Variants in KCNH5 observed in about 807,000 individuals in gnomAD.
KCNH5 encodes voltage-gated delayed rectifier potassium channel KCNH5.
Under a neutral mutation model 96.1 loss-of-function variants are expected in KCNH5, and 46 were observed. The observed-to-expected ratio is 0.48, with a 90% CI of 0.38 to 0.61. KCNH5 has a LOEUF of 0.61. Ranked by LOEUF, KCNH5 falls within the 20% of genes least tolerant of loss-of-function variation. KCNH5 has a pLI of 0.00. For missense variants in KCNH5, 907 were observed against 1,225.8 expected, an observed-to-expected ratio of 0.74 and a Z score of 3.88; for synonymous variants, 439 against 449.8, an observed-to-expected ratio of 0.98 and a Z score of 0.30.
Position 63,008,940 on chromosome 14 carries a change from T to A in KCNH5, c.198-2468A>T, listed in dbSNP as rs567391006. On this transcript the variant is annotated intron_variant, in intron 2 of 10. Coordinates refer to ENST00000322893, the MANE Select transcript of KCNH5 (RefSeq NM_139318.5). Reference sequence around the variant, plus strand: ...GTGAAATTTTTAAATCTTTTTTTACTAACTTTTATTTTTAATTAAAGAATC... The same window carrying A: ...GTGAAATTTTTAAATCTTTTTTTACAAACTTTTATTTTTAATTAAAGAATC... 2.6e-5 allele frequency among the ~76,000 whole-genome samples: 4 copies of A among 152,236 alleles called. No individual in the cohort carries two copies. The East Asian group carries it at 7.7e-4, about 29-fold the overall frequency.
intron 1 of KCNH5, among the ~76,000 whole-genome samples, chr14:63,039,692 A>G (rs1891786695): frequency 1.3e-5 from 2 of 152,180 alleles, no homozygotes; most frequent in Admixed American, 1.3e-4. Context: ...CTCTTTACAG[A>G]AACAATTTTT....
At chr14:62,717,571 G>A (rs1884711774) in intron 10 of KCNH5, among the ~76,000 whole-genome samples, 1 of 152,144 alleles carries the variant, frequency 6.6e-6, no homozygotes, top group African/African-American at 2.4e-5. Context: ...AAATGATACT[G>A]AAACAACTGC....
chr14:62,894,361 G>C (rs1335714289), intron 7 of KCNH5, among the ~76,000 whole-genome samples: 1 of 152,162 alleles, frequency 6.6e-6, no homozygotes, highest in Non-Finnish European at 1.5e-5. Flanking sequence ...GAAACTGTAG[G>C]AGTGCAAAGG....
At chr14:62,942,375 A>C (rs999080673) in intron 7 of KCNH5, among the ~76,000 whole-genome samples, 2 of 152,154 alleles carry the variant, frequency 1.3e-5, no homozygotes, top group African/African-American at 4.8e-5. Context: ...CTTACTCTAT[A>C]TTCTCCCAAT....
At chr14:62,876,433 T>C (rs116405985) in intron 7 of KCNH5, among the ~76,000 whole-genome samples, 2,581 of 152,240 alleles carry the variant, frequency 0.017, 71 homozygotes, top group African/African-American at 0.057. Flanking sequence ...AAGGATATGA[T>C]TGCACAAATA....
intron 10 of KCNH5, among the ~76,000 whole-genome samples, chr14:62,755,848 GA>G (rs1004117645): frequency 4.0e-5 from 6 of 151,670 alleles, no homozygotes; most frequent in South Asian, 2.1e-4. Flanking sequence ...CACAATGAAG[GA>G]AAAAAAATTA....
chr14:62,894,404 T>C (rs974848788), intron 7 of KCNH5, among the ~76,000 whole-genome samples: 7 of 152,186 alleles, frequency 4.6e-5, no homozygotes, highest in Admixed American at 3.3e-4. Context: ...ATAAACACTG[T>C]CATCAATCAA....
At chr14:62,968,576 T>G (rs541503708) in intron 6 of KCNH5, among the ~76,000 whole-genome samples, 1 of 152,206 alleles carries the variant, frequency 6.6e-6, no homozygotes, top group East Asian at 1.9e-4. Flanking sequence ...GGTCAAAGGA[T>G]ATGCCCTATA....
intron 8 of KCNH5, among the ~76,000 whole-genome samples, chr14:62,828,340 C>T (rs1372479768): frequency 1.3e-5 from 2 of 151,990 alleles, no homozygotes; most frequent in African/African-American, 2.4e-5. Context: ...TCTATTTATG[C>T]TTACATTTTT....
chr14:62,938,544 A>G (rs1411812317), intron 7 of KCNH5, among the ~76,000 whole-genome samples: 2 of 152,244 alleles, frequency 1.3e-5, no homozygotes, highest in Non-Finnish European at 2.9e-5. Context: ...AGTTCTAAAT[A>G]TATTCATCTA....
intron 4 of KCNH5, 109 bp downstream of exon 4, chr14:63,001,222 G>T (rs1406273089): frequency 1.0e-5 from 9 of 895,946 alleles, no homozygotes; most frequent in Non-Finnish European, 1.4e-5. Context: ...CAAAAGAAAG[G>T]CCACATAGTA....
chr14:62,982,217 T>C (rs2139569908), intron 5 of KCNH5, among the ~76,000 whole-genome samples: 1 of 152,148 alleles, frequency 6.6e-6, no homozygotes, highest in South Asian at 2.1e-4. Flanking sequence ...TAATCCCAAC[T>C]ACTCAGGAAG....
intron 7 of KCNH5, among the ~76,000 whole-genome samples, chr14:62,869,752 T>C (rs1888213962): frequency 6.6e-6 from 1 of 152,126 alleles, no homozygotes; most frequent in Non-Finnish European, 1.5e-5. Context: ...AACAGATACA[T>C]AGACCAGCAG....
chr14:62,733,645 C>T (rs1885097251), intron 10 of KCNH5, among the ~76,000 whole-genome samples: 1 of 152,146 alleles, frequency 6.6e-6, no homozygotes. Context: ...TTTTCTTTCT[C>T]TCTGGTCACT....
At chr14:62,884,641 G>A (rs1028453919) in intron 7 of KCNH5, among the ~76,000 whole-genome samples, 2 of 152,002 alleles carry the variant, frequency 1.3e-5, no homozygotes, top group Admixed American at 6.6e-5. Context: ...AAGAAAGAAA[G>A]AAAAAAACTA....
chr14:62,856,712 GC>G (rs1887936817), intron 7 of KCNH5, among the ~76,000 whole-genome samples: 1 of 151,970 alleles, frequency 6.6e-6, no homozygotes, highest in Non-Finnish European at 1.5e-5. Context: ...TTCGCTGGAT[GC>G]TCTTTTGCAG....
Position 62,707,336 on chromosome 14 carries a change from C to A in KCNH5, c.*172G>T. ...TACAAGCAATATCTATGTTTTTAATCATCATCTTCTTTGGCAGGCCAGAAT... is the reference window on the plus strand; with the variant it reads ...TACAAGCAATATCTATGTTTTTAATAATCATCTTCTTTGGCAGGCCAGAAT... On this transcript the variant is annotated 3_prime_UTR_variant, in exon 11 of 11. Transcript: ENST00000322893. The A allele has an allele frequency of 2.7e-6, 1 of 365,630 alleles. No individual in the cohort carries two copies. Among genetic ancestry groups the A allele is most frequent in the Non-Finnish European group, 4.8e-6 (1 of 209,830 alleles). The allele number at this position is 365,630 out of a possible 1,614,324, so 22.6% of individuals were successfully genotyped here.
In KCNH5 at chr14:62,762,026, G is replaced by T. The variant is rs1048810734; in HGVS notation, c.2019+17702C>A. Among the ~76,000 whole-genome samples the T allele has an allele frequency of 1.3e-5, 2 of 152,262 alleles. 1 individual carries two copies. The highest frequency in any genetic ancestry group is 6.8e-3 in the Middle Eastern group (2 of 294). Reference sequence around the variant, plus strand: ...GTGTGGAGTGGACCATTCTTGCCATGGACCTCCAGAATCCTAGCTTCAGAA... The same window carrying T: ...GTGTGGAGTGGACCATTCTTGCCATTGACCTCCAGAATCCTAGCTTCAGAA... On this transcript the variant is annotated intron_variant, in intron 10 of 10. Coordinates refer to ENST00000322893, the MANE Select transcript of KCNH5 (RefSeq NM_139318.5).
At chr14:62,813,461 G>T (rs934434816) in intron 8 of KCNH5, among the ~76,000 whole-genome samples, 1 of 152,068 alleles carries the variant, frequency 6.6e-6, no homozygotes, top group African/African-American at 2.4e-5. Context: ...ACTAAACAAG[G>T]CTTCTTCTTG....
Sources: gnomAD v4.1 joint callset for allele counts (sites outside exome capture counted in the v4.1 genomes callset) on GRCh38, gnomAD v4.1.1 for gene constraint, MANE v1.5 for transcripts, NCBI Gene and HGNC (gene_info 2026-07-23, HGNC 2026-07-21) for gene names.